The following ZBTB16 variants were observed in gnomAD, a reference collection of about 807,000 sequenced individuals.
ZBTB16 encodes zinc finger and BTB domain-containing protein 16.
A neutral mutation model predicts 56.8 loss-of-function variants in ZBTB16; 8 were observed. The ratio of observed to expected loss-of-function variants is 0.14; its 90% CI spans 0.08 to 0.25. The LOEUF (loss-of-function observed/expected upper bound fraction) is 0.25. ZBTB16 is among the 10% of genes least tolerant of loss of function. The pLI is 1.00. For synonymous variants in ZBTB16, 363 were observed against 368.5 expected (o/e 0.98, Z 0.17); for missense variants, 625 against 903.0 (o/e 0.69, Z 3.95).
At chr11:114,155,170 C>T (rs534881049) in intron 2 of ZBTB16, among the ~76,000 whole-genome samples, 1 of 152,248 alleles carries the variant, frequency 6.6e-6, no homozygotes, top group African/African-American at 2.4e-5. Context: ...TTCCCTTCTG[C>T]CTGCCCCACC....
intron 2 of ZBTB16, among the ~76,000 whole-genome samples, chr11:114,141,962 A>G (rs143852439): frequency 1.5e-3 from 224 of 152,260 alleles, no homozygotes; most frequent in African/African-American, 5.0e-3. Flanking sequence ...TATCATCTAA[A>G]CGTTGTTGGT....
intron 2 of ZBTB16, among the ~76,000 whole-genome samples, chr11:114,114,606 A>G (rs1383433442): frequency 1.3e-5 from 2 of 152,042 alleles, no homozygotes; most frequent in Admixed American, 1.3e-4. Flanking sequence ...GGAAGTAAAT[A>G]TGTTCTCTAG....
At chr11:114,228,873 CA>C (rs1944382470) in intron 4 of ZBTB16, among the ~76,000 whole-genome samples, 1 of 152,186 alleles carries the variant, frequency 6.6e-6, no homozygotes, top group Non-Finnish European at 1.5e-5. Context: ...TTCCCTAGTA[CA>C]GTATCTTCCT....
intron 2 of ZBTB16, among the ~76,000 whole-genome samples, chr11:114,109,920 A>T (rs935709893): frequency 1.3e-5 from 2 of 152,170 alleles, no homozygotes; most frequent in Admixed American, 1.3e-4. Flanking sequence ...GAAGTATGTT[A>T]GAAGAGCAGG....
rs1194921091 is a variant in ZBTB16, at chr11:114,063,316, A to G, written c.16A>G (p.Met6Val). ...GGGGAGCACCATGGATCTGACAAAA[A>G]TGGGCATGATCCAGCTGCAGAACCC... MDLTKMGMIQLQNPSH... is the reference protein window; with the variant it reads MDLTKVGMIQLQNPSH... The change falls in exon 2 of 7, where the codon ATG (methionine) becomes GTG (valine). Residue 6 changes from methionine to valine, a missense_variant. Around this residue, in one of 6 missense-constraint regions of ZBTB16, gnomAD observed 54 missense variants for 159.4 expected, o/e 0.34. Transcript: ENST00000335953. This position sits in a 1 kb window ranked among gnomAD's most constrained non-coding sequence, Gnocchi z 6.5. 1 of 1,613,852 alleles carries G rather than the reference A, an allele frequency of 6.2e-7. No individual in the cohort carries two copies. The highest frequency in any genetic ancestry group is 8.5e-7 in the Non-Finnish European group (1 of 1,180,036).
intron 2 of ZBTB16, among the ~76,000 whole-genome samples, chr11:114,073,053 C>CA (rs11349665): frequency 1.9e-3 from 131 of 69,776 alleles, no homozygotes; most frequent in Middle Eastern, 6.9e-3. Flanking sequence ...GAGACTGTCT[C>CA]AAAAAAAAAA....
intron 2 of ZBTB16, among the ~76,000 whole-genome samples, chr11:114,145,935 T>C (rs1285737204): frequency 6.6e-6 from 1 of 152,220 alleles, no homozygotes; most frequent in Non-Finnish European, 1.5e-5. Flanking sequence ...TAAAGAATAC[T>C]AATAAAAAGC....
chr11:114,157,375 C>T (rs1227979234), intron 3 of ZBTB16, among the ~76,000 whole-genome samples: 2 of 152,208 alleles, frequency 1.3e-5, no homozygotes, highest in Non-Finnish European at 2.9e-5. Context: ...CTGTCAAGTG[C>T]TGGTGTTGTT....
At chr11:114,161,612 G>C (rs1591731876) in intron 3 of ZBTB16, among the ~76,000 whole-genome samples, 1 of 152,186 alleles carries the variant, frequency 6.6e-6, no homozygotes, top group Non-Finnish European at 1.5e-5. Flanking sequence ...AGCCACCTAT[G>C]GAAGTGGGTG....
intron 3 of ZBTB16, among the ~76,000 whole-genome samples, chr11:114,174,383 C>T (rs936207168): frequency 6.0e-5 from 9 of 150,716 alleles, no homozygotes; most frequent in Admixed American, 6.0e-4. Flanking sequence ...TTTTAAACTT[C>T]AGTTTGCATA....
At chr11:114,145,125 G>C (rs1041001771) in intron 2 of ZBTB16, among the ~76,000 whole-genome samples, 4 of 152,300 alleles carry the variant, frequency 2.6e-5, no homozygotes, top group African/African-American at 9.6e-5. Flanking sequence ...CCTTTTTGGG[G>C]GGCTTTTACA....
intron 2 of ZBTB16, among the ~76,000 whole-genome samples, chr11:114,065,755 G>A (rs1159527262): frequency 6.6e-6 from 1 of 152,174 alleles, no homozygotes; most frequent in African/African-American, 2.4e-5. Context: ...CTAAGGCTCA[G>A]ATGTCAAGTC....
In ZBTB16 at chr11:114,247,418, G is replaced by A. The variant is rs371239134; in HGVS notation, c.1792+53G>A. ...CTGGCTCTGGGACCTGGGCGGAGGTGGGAAGCAGATAGTCTCCTAGAGAAG... is the reference window on the plus strand; with the variant it reads ...CTGGCTCTGGGACCTGGGCGGAGGTAGGAAGCAGATAGTCTCCTAGAGAAG... On this transcript the variant is annotated intron_variant, in intron 6 of 6. Coordinates refer to ENST00000335953, the MANE Select transcript of ZBTB16 (RefSeq NM_006006.6). The A allele has an allele frequency of 2.8e-4, 449 of 1,611,474 alleles. 3 individuals carry two copies. In the South Asian group the frequency reaches 4.6e-3, roughly 17 times the overall value.
chr11:114,192,826 C>T (rs893434128), intron 4 of ZBTB16, among the ~76,000 whole-genome samples: 4 of 152,344 alleles, frequency 2.6e-5, no homozygotes, highest in East Asian at 3.9e-4. Context: ...GAGTTCTAAT[C>T]TGGGGGAATG....
intron 3 of ZBTB16, among the ~76,000 whole-genome samples, chr11:114,169,109 C>G (rs1942881727): frequency 6.6e-6 from 1 of 152,110 alleles, no homozygotes; most frequent in Non-Finnish European, 1.5e-5. Context: ...GAGGAGAGAG[C>G]TGCCTGTGGT....
At position 114,256,388 on chromosome 11, in the gene ZBTB16, G is replaced by T. The variant is rs1163966808; in HGVS notation, c.*5833G>T. On this transcript the variant is annotated 3_prime_UTR_variant, in exon 7 of 7. Coordinates refer to ENST00000335953, the MANE Select transcript of ZBTB16 (RefSeq NM_006006.6). ...CCTGGGGCTACCATGCTAGCGGGCC[G>T]CTGAGTCGGAATCCGTGGCTGTGTT... Among the ~76,000 whole-genome samples the T allele has an allele frequency of 6.6e-6, 1 of 152,130 alleles. No individual in the cohort carries two copies. Among genetic ancestry groups the T allele is most frequent in the Non-Finnish European group, 1.5e-5 (1 of 68,032 alleles).
rs1378884946 is a variant in ZBTB16 at position 114,255,240 on chromosome 11, T to C, written c.*4685T>C. On this transcript the variant is annotated 3_prime_UTR_variant, in exon 7 of 7. Transcript: ENST00000335953. ...TTGTTTGTTTTTGTGGCTTGTCTTA[T>C]GTCGTGATAGCACAAGTGCCAGTCG... 6.6e-6 allele frequency among the ~76,000 whole-genome samples: 1 copy of C among 152,228 alleles called. No homozygotes were observed. Among genetic ancestry groups the C allele is most frequent in the Non-Finnish European group, 1.5e-5 (1 of 68,036 alleles).
chr11:114,156,553 C>A (rs1279939391), intron 3 of ZBTB16, 119 bp downstream of exon 3: 5 of 930,350 alleles, frequency 5.4e-6, no homozygotes, highest in South Asian at 2.7e-5. Flanking sequence ...GGGCCCTGGT[C>A]CATCTTGTTC....
chr11:114,108,160 G>A (rs1387266122), intron 2 of ZBTB16, among the ~76,000 whole-genome samples: 4 of 151,956 alleles, frequency 2.6e-5, no homozygotes, highest in African/African-American at 7.3e-5. Context: ...TGTGTAAGAC[G>A]GCAGCCCCAG....
Sources: allele counts gnomAD v4.1 joint callset (sites outside exome capture counted in the v4.1 genomes callset), GRCh38; gene constraint gnomAD v4.1.1; regional missense constraint gnomAD v4.1.1; non-coding constraint Gnocchi (gnomAD v3.1); transcripts MANE v1.5; gene names NCBI Gene and HGNC (gene_info 2026-07-23, HGNC 2026-07-21).